CSMD1: variants seen among roughly 807,000 people sequenced by gnomAD.
CSMD1 encodes the protein CUB and Sushi multiple domains 1.
A neutral mutation model predicts 417.5 loss-of-function variants in CSMD1; 213 were observed. That is an observed-to-expected ratio of 0.51 (90% CI 0.46 to 0.57). The LOEUF (loss-of-function observed/expected upper bound fraction) is 0.57. CSMD1 is among the 20% of genes least tolerant of loss of function. CSMD1 has a pLI of 0.00. For synonymous variants in CSMD1, 2,862 were observed against 1,736.8 expected, an observed-to-expected ratio of 1.65 and a Z score of -16.11; for missense variants, 6,923 against 4,529.7, an observed-to-expected ratio of 1.53 and a Z score of -15.17.
At chr8:4,325,244 G>T (rs928280553) in intron 3 of CSMD1, among the ~76,000 whole-genome samples, 1 of 152,150 alleles carries the variant, frequency 6.6e-6, no homozygotes, top group Admixed American at 6.6e-5. Context: ...AGGAATGTGC[G>T]ACTTTCAAGA....
chr8:3,582,458 G>A (rs1201193080), intron 9 of CSMD1, among the ~76,000 whole-genome samples: 1 of 152,134 alleles, frequency 6.6e-6, no homozygotes, highest in Non-Finnish European at 1.5e-5. Flanking sequence ...ACAGAGGGAT[G>A]CCAGCCAGGA....
At chr8:3,078,177 T>G (rs1404008381) in intron 49 of CSMD1, among the ~76,000 whole-genome samples, 1 of 152,236 alleles carries the variant, frequency 6.6e-6, no homozygotes, top group Non-Finnish European at 1.5e-5. Flanking sequence ...ATATTATTAC[T>G]TTGCATATTT....
chr8:3,510,217 C>T (rs1261949798), intron 10 of CSMD1, among the ~76,000 whole-genome samples: 5 of 150,892 alleles, frequency 3.3e-5, no homozygotes, highest in South Asian at 2.1e-4. Flanking sequence ...ATCAGGGAGT[C>T]GGCAGGAGAA....
chr8:3,307,197 A>G (rs1419269532), intron 25 of CSMD1, among the ~76,000 whole-genome samples: 1 of 152,116 alleles, frequency 6.6e-6, no homozygotes, highest in Non-Finnish European at 1.5e-5. Context: ...TAGCAAGTGT[A>G]ATGTAAGCAC....
intron 2 of CSMD1, among the ~76,000 whole-genome samples, chr8:4,437,693 C>G (rs1487258783): frequency 1.3e-5 from 2 of 152,112 alleles, no homozygotes; most frequent in Admixed American, 6.6e-5. Flanking sequence ...AGACCTTTAG[C>G]ATAGAATAAG....
chr8:3,448,238 G>T (rs185459804), intron 12 of CSMD1, among the ~76,000 whole-genome samples: 2 of 143,454 alleles, frequency 1.4e-5, no homozygotes, highest in Admixed American at 1.4e-4. Context: ...TCAAAAGGGA[G>T]AAGAGGATTG....
intron 49 of CSMD1, among the ~76,000 whole-genome samples, chr8:3,053,342 T>A (rs1293476610): frequency 2.6e-5 from 4 of 152,302 alleles, no homozygotes; most frequent in South Asian, 4.1e-4. Flanking sequence ...TGAAGCAGCA[T>A]CTTTATCATC....
intron 37 of CSMD1, among the ~76,000 whole-genome samples, chr8:3,180,830 G>C (rs370830125): frequency 2.0e-5 from 3 of 151,806 alleles, no homozygotes; most frequent in South Asian, 2.1e-4. Context: ...TTTTAGTAGA[G>C]ACGGGGTTTC....
chr8:3,620,870 T>G (rs1173214447), intron 7 of CSMD1, among the ~76,000 whole-genome samples: 4 of 152,180 alleles, frequency 2.6e-5, no homozygotes, highest in Non-Finnish European at 5.9e-5. Flanking sequence ...TAGGCTGAAT[T>G]ATGTCCCTCC....
At chr8:3,605,647 A>C (rs1196693560) in intron 8 of CSMD1, among the ~76,000 whole-genome samples, 2 of 152,224 alleles carry the variant, frequency 1.3e-5, no homozygotes, top group Non-Finnish European at 2.9e-5. Flanking sequence ...AGCATATTTC[A>C]AAATAGAATG....
At chr8:4,885,967 G>T (rs191816157) in intron 1 of CSMD1, among the ~76,000 whole-genome samples, 17 of 149,284 alleles carry the variant, frequency 1.1e-4, no homozygotes, top group African/African-American at 4.2e-4. Context: ...TTAGGTCTCT[G>T]ATCCTTTTTA....
At chr8:3,068,658 A>AG (rs902007855) in intron 49 of CSMD1, among the ~76,000 whole-genome samples, 7 of 152,270 alleles carry the variant, frequency 4.6e-5, no homozygotes, top group Non-Finnish European at 1.0e-4. Flanking sequence ...CAGAAGGCCA[A>AG]GGGGGAGCAG....
chr8:3,377,897 T>C (rs761060076), intron 18 of CSMD1, among the ~76,000 whole-genome samples: 7 of 152,242 alleles, frequency 4.6e-5, no homozygotes, highest in Admixed American at 3.3e-4. Context: ...ACACATGTTA[T>C]ATTATCTCTC....
intron 1 of CSMD1, among the ~76,000 whole-genome samples, chr8:4,963,334 G>A (rs193184340): frequency 6.6e-6 from 1 of 152,134 alleles, no homozygotes; most frequent in Admixed American, 6.5e-5. Context: ...TGAGTAGCTG[G>A]GATTACAGTC....
At chr8:3,661,727 C>A (rs938770018) in intron 7 of CSMD1, among the ~76,000 whole-genome samples, 11 of 152,102 alleles carry the variant, frequency 7.2e-5, no homozygotes, top group Admixed American at 7.2e-4. Context: ...GAACTCCTGA[C>A]CTCAAGTGAT....
intron 3 of CSMD1, among the ~76,000 whole-genome samples, chr8:4,320,923 T>C (rs1453386288): frequency 6.6e-6 from 1 of 152,160 alleles, no homozygotes; most frequent in Non-Finnish European, 1.5e-5. Flanking sequence ...TTCTTCTTTG[T>C]ATCCTCTCCT....
intron 3 of CSMD1, among the ~76,000 whole-genome samples, chr8:4,409,550 A>G (rs1163468563): frequency 6.6e-6 from 1 of 152,204 alleles, no homozygotes; most frequent in Non-Finnish European, 1.5e-5. Flanking sequence ...TTGTTAATTC[A>G]GAACATGCCA....
At position 3,230,248 on chromosome 8, in the gene CSMD1, A is replaced by G. The variant is rs757292260; in HGVS notation, c.4154-17T>C. ...CAATTGAGGCTGCAAACAAAAGAGA[A>G]GGCAAGGTCACAGGCTGGAAAACAT... On this transcript the variant is annotated splice_polypyrimidine_tract_variant and intron_variant, in intron 26 of 69. Transcript: ENST00000635120. 105 of 1,550,066 alleles carry G rather than the reference A, an allele frequency of 6.8e-5. No individual in the cohort carries two copies. The highest frequency in any genetic ancestry group is 2.3e-5 in the East Asian group (1 of 43,494).
intron 5 of CSMD1, among the ~76,000 whole-genome samples, chr8:3,837,276 T>A (rs10156311): frequency 0.37 from 55,861 of 151,638 alleles, 10,962 homozygotes; most frequent in African/African-American, 0.51. Context: ...TTTTATTAGA[T>A]AGATGAATCT....
Sources: gnomAD v4.1 joint callset for allele counts (sites outside exome capture counted in the v4.1 genomes callset) on GRCh38, gnomAD v4.1.1 for gene constraint, MANE v1.5 for transcripts, NCBI Gene and HGNC (gene_info 2026-07-23, HGNC 2026-07-21) for gene names.